EML4: variants seen among roughly 807,000 people sequenced by gnomAD.
EML4 encodes echinoderm microtubule-associated protein-like 4.
Under a neutral mutation model 129.0 loss-of-function variants are expected in EML4, and 72 were observed. The ratio of observed to expected loss-of-function variants is 0.56; its 90% CI spans 0.46 to 0.68. EML4 has a LOEUF of 0.68. Among genes scored for constraint, EML4 ranks in the 30% least tolerant of loss-of-function variants. EML4 has a pLI of 0.00. For missense variants in EML4, 1,363 were observed against 1,190.6 expected (o/e 1.14, Z -2.13); for synonymous variants, 532 against 405.0 (o/e 1.31, Z -3.77).
At chr2:42,180,046 G>T (rs887932857) in intron 1 of EML4, among the ~76,000 whole-genome samples, 21 of 152,166 alleles carry the variant, frequency 1.4e-4, no homozygotes, top group African/African-American at 4.1e-4. Flanking sequence ...GGATATTCTT[G>T]GTACTGTTTT....
intron 9 of EML4, among the ~76,000 whole-genome samples, chr2:42,284,995 A>C (rs1026366632): frequency 1.3e-5 from 2 of 152,256 alleles, no homozygotes; most frequent in South Asian, 4.1e-4. Flanking sequence ...ATAACATATA[A>C]AGTAACCAGT....
chr2:42,208,211 A>T (rs1485639618), intron 1 of EML4: 2 of 152,118 alleles, frequency 1.3e-5, no homozygotes, highest in Non-Finnish European at 2.9e-5. Context: ...AAGGTGAGTA[A>T]ATGCAGAGTG....
chr2:42,187,352 T>C (rs957329030), intron 1 of EML4, among the ~76,000 whole-genome samples: 2 of 152,162 alleles, frequency 1.3e-5, no homozygotes, highest in Admixed American at 6.5e-5. Context: ...CCAGCGTATT[T>C]TGTCTTTTCT....
chr2:42,228,904 A>G (rs1303293685), intron 1 of EML4, among the ~76,000 whole-genome samples: 1 of 152,230 alleles, frequency 6.6e-6, no homozygotes, highest in African/African-American at 2.4e-5. Flanking sequence ...TATCAAATAA[A>G]TAACATATAT....
At chr2:42,170,001 C>A in intron 1 of EML4, 1 of 211,854 alleles carries the variant, frequency 4.7e-6, no homozygotes, top group Non-Finnish European at 9.5e-6. Context: ...TTCTTCAAAT[C>A]CAGGCTCCTC....
chr2:42,203,827 G>T (rs895647727), intron 1 of EML4, among the ~76,000 whole-genome samples: 3 of 151,968 alleles, frequency 2.0e-5, no homozygotes, highest in East Asian at 1.9e-4. Context: ...TGTAACTATA[G>T]TAACTATAGT....
At chr2:42,228,754 A>T (rs996032937) in intron 1 of EML4, among the ~76,000 whole-genome samples, 5 of 152,120 alleles carry the variant, frequency 3.3e-5, no homozygotes, top group East Asian at 3.8e-4. Context: ...CAAGTGTTGT[A>T]TTGTACTTTA....
At chr2:42,175,015 C>T (rs1054280724) in intron 1 of EML4, among the ~76,000 whole-genome samples, 5 of 152,054 alleles carry the variant, frequency 3.3e-5, no homozygotes, top group African/African-American at 1.2e-4. Flanking sequence ...CGGGGTTTCA[C>T]CATCTTGGCC....
At chr2:42,169,747 C>G (rs773843851) in intron 1 of EML4, 111 bp downstream of exon 1, 3 of 1,264,314 alleles carry the variant, frequency 2.4e-6, no homozygotes, top group African/African-American at 3.1e-5. Context: ...GGCAGCGGCT[C>G]CACTGCACAT....
chr2:42,323,249 CG>C (rs150153839), intron 19 of EML4, among the ~76,000 whole-genome samples: 382 of 152,286 alleles, frequency 2.5e-3, no homozygotes, highest in African/African-American at 8.7e-3. Context: ...CTTCCCCAGA[CG>C]CCAGAGCCAG....
At chr2:42,206,250 G>T (rs188630781) in intron 1 of EML4, among the ~76,000 whole-genome samples, 101 of 152,212 alleles carry the variant, frequency 6.6e-4, no homozygotes, top group African/African-American at 2.3e-3. Flanking sequence ...GTCTCACTCT[G>T]TCACCTAGGA....
At chr2:42,295,638 C>A in intron 13 of EML4, 122 bp downstream of exon 13, 1 of 724,142 alleles carries the variant, frequency 1.4e-6, no homozygotes, top group East Asian at 2.9e-5. Flanking sequence ...CACCAACATA[C>A]CTTTTGTTTT....
rs1184727543 is a variant in EML4 at position 42,329,716 on chromosome 2, CTGATT to C, written c.2473-16_2473-12del. ...GAATGAGTTTAATTTTCCTGTCTGTCTGATTTATTTCATATAGGCTCCCAGTCACA... is the reference window on the plus strand; with the variant it reads ...GAATGAGTTTAATTTTCCTGTCTGTCTATTTCATATAGGCTCCCAGTCACA... On this transcript the variant is annotated splice_polypyrimidine_tract_variant and intron_variant, in intron 22 of 22. Coordinates refer to ENST00000318522, the MANE Select transcript of EML4 (RefSeq NM_019063.5). The C allele has an allele frequency of 1.9e-6, 3 of 1,598,352 alleles. No individual in the cohort carries two copies. Among genetic ancestry groups the C allele is most frequent in the African/African-American group, 2.7e-5 (2 of 74,476 alleles).
intron 1 of EML4, among the ~76,000 whole-genome samples, chr2:42,204,402 A>G (rs1672416994): frequency 6.6e-6 from 1 of 152,124 alleles, no homozygotes; most frequent in South Asian, 2.1e-4. Flanking sequence ...TTTTTCTGGA[A>G]AGGGCCAGAT....
intron 17 of EML4, 123 bp from the exon 18 acceptor site, chr2:42,315,839 C>T (rs1669215840): frequency 1.5e-6 from 1 of 678,332 alleles, no homozygotes; most frequent in African/African-American, 1.8e-5. Flanking sequence ...GCTAGGATCA[C>T]TCCATGCACA....
chr2:42,208,570 A>G (rs984753571), intron 1 of EML4, among the ~76,000 whole-genome samples: 1 of 151,424 alleles, frequency 6.6e-6, no homozygotes, highest in African/African-American at 2.4e-5. Flanking sequence ...AGTAGCTGAG[A>G]TTACAGGCAC....
chr2:42,245,094 C>CTTTTTTTTT (rs56808218), intron 1 of EML4, among the ~76,000 whole-genome samples: 10,427 of 65,626 alleles, frequency 0.16, 2,602 homozygotes, highest in South Asian at 0.22. Context: ...AATTTTCTTT[C>CTTTTTTTTT]TTTTTTTTTT....
intron 1 of EML4, among the ~76,000 whole-genome samples, chr2:42,173,201 T>G (rs544723432): frequency 2.0e-5 from 3 of 152,328 alleles, no homozygotes; most frequent in African/African-American, 7.2e-5. Context: ...CAGATAATAG[T>G]CTTGCTTTCT....
intron 1 of EML4, among the ~76,000 whole-genome samples, chr2:42,228,684 C>T (rs891669795): frequency 1.3e-5 from 2 of 152,124 alleles, no homozygotes; most frequent in Non-Finnish European, 2.9e-5. Context: ...CTTTTCTCTC[C>T]TGGTAAAAAT....
Sources: allele counts gnomAD v4.1 joint callset (sites outside exome capture counted in the v4.1 genomes callset), GRCh38; gene constraint gnomAD v4.1.1; transcripts MANE v1.5; gene names NCBI Gene and HGNC (gene_info 2026-07-23, HGNC 2026-07-21).